The following AGO2 variants were observed in gnomAD, a reference collection of about 807,000 sequenced individuals.
The protein encoded by AGO2 is protein argonaute-2.
A neutral mutation model predicts 102.3 loss-of-function variants in AGO2; 5 were observed. That is an observed-to-expected ratio of 0.05 (90% CI 0.03 to 0.10). AGO2 has a LOEUF of 0.10. AGO2 is among the 10% of genes least tolerant of loss of function. AGO2 has a pLI of 1.00. For synonymous variants in AGO2, 449 were observed against 473.1 expected, an observed-to-expected ratio of 0.95 and a Z score of 0.66; for missense variants, 541 against 1,183.7, an observed-to-expected ratio of 0.46 and a Z score of 7.97.
At chr8:140,533,132 G>A (rs191380291) in intron 17 of AGO2, among the ~76,000 whole-genome samples, 1 of 152,012 alleles carries the variant, frequency 6.6e-6, no homozygotes, top group Non-Finnish European at 1.5e-5. Context: ...GCTCACACCT[G>A]TAATCCCAGC....
At position 140,532,171 on chromosome 8, in the gene AGO2, G is replaced by A. The variant is rs2072608715; in HGVS notation, c.2472-19C>T. 1 of 1,606,414 alleles carries A rather than the reference G, an allele frequency of 6.2e-7. No individual in the cohort carries two copies. The highest frequency in any genetic ancestry group is 8.5e-7 in the Non-Finnish European group (1 of 1,173,674). The stretch of plus-strand genomic sequence containing the variant: ...TTCAGCACTGCAGGGATGAGAGAGA[G>A]AGAGAATGAGAATGTGCAGCCTTAA... On this transcript the variant is annotated intron_variant, in intron 18 of 18. Coordinates refer to ENST00000220592, the MANE Select transcript of AGO2 (RefSeq NM_012154.5).
At chr8:140,578,719 G>T (rs532483742) in intron 2 of AGO2, among the ~76,000 whole-genome samples, 5 of 152,362 alleles carry the variant, frequency 3.3e-5, no homozygotes, top group Non-Finnish European at 7.3e-5. Flanking sequence ...GGAGAACCAC[G>T]GCCAAGCTGT....
intron 2 of AGO2, among the ~76,000 whole-genome samples, chr8:140,577,613 G>C (rs892623848): frequency 1.3e-5 from 2 of 152,230 alleles, no homozygotes; most frequent in African/African-American, 2.4e-5. Flanking sequence ...AGCAGCTGGA[G>C]GGAGGCCATG....
At chr8:140,624,801 T>C (rs1468822244) in intron 1 of AGO2, among the ~76,000 whole-genome samples, 1 of 152,192 alleles carries the variant, frequency 6.6e-6, no homozygotes, top group African/African-American at 2.4e-5. Flanking sequence ...TTCTGAAACA[T>C]CTGTCAACAA....
intron 1 of AGO2, among the ~76,000 whole-genome samples, chr8:140,597,300 A>G (rs1211460252): frequency 6.6e-6 from 1 of 152,242 alleles, no homozygotes; most frequent in Non-Finnish European, 1.5e-5. Context: ...CAATTCCCAG[A>G]GCCTCCCAGC....
intron 1 of AGO2, among the ~76,000 whole-genome samples, chr8:140,613,430 A>G (rs190099400): frequency 2.2e-4 from 34 of 152,366 alleles, no homozygotes; most frequent in African/African-American, 7.9e-4. Context: ...AATGTTTTTT[A>G]AACTCCTGTT....
chr8:140,612,786 G>C (rs914925337), intron 1 of AGO2, among the ~76,000 whole-genome samples: 1 of 151,756 alleles, frequency 6.6e-6, no homozygotes, highest in South Asian at 2.1e-4. Flanking sequence ...ACTGTTTTTC[G>C]AGTTTTGGTG....
chr8:140,555,833 G>A (rs2073084935), intron 10 of AGO2, 63 bp downstream of exon 10: 3 of 1,564,580 alleles, frequency 1.9e-6, no homozygotes, highest in Non-Finnish European at 2.6e-6. Context: ...CTCAGAACCT[G>A]AGAGGGGTCG....
At chr8:140,554,377 C>T (rs1227336323) in intron 10 of AGO2, among the ~76,000 whole-genome samples, 2 of 145,894 alleles carry the variant, frequency 1.4e-5, no homozygotes, top group South Asian at 2.3e-4. Flanking sequence ...GGGACACAGA[C>T]CCCCCCACGT....
chr8:140,593,181 A>G (rs1006522714), intron 1 of AGO2: 4 of 152,000 alleles, frequency 2.6e-5, no homozygotes, highest in Admixed American at 6.6e-5. Flanking sequence ...CCTATTACGT[A>G]TCAATAAAAA....
chr8:140,564,806 A>C (rs774068407), intron 3 of AGO2, among the ~76,000 whole-genome samples: 1 of 152,094 alleles, frequency 6.6e-6, no homozygotes, highest in Non-Finnish European at 1.5e-5. Context: ...AGCTGTAACA[A>C]TATCATACAC....
At chr8:140,534,949 C>T (rs537942705) in intron 17 of AGO2, among the ~76,000 whole-genome samples, 2 of 152,352 alleles carry the variant, frequency 1.3e-5, no homozygotes, top group African/African-American at 4.8e-5. Flanking sequence ...CCCAGGAGAG[C>T]CTCAAGGTGG....
intron 3 of AGO2, among the ~76,000 whole-genome samples, chr8:140,568,314 G>T (rs530884434): frequency 1.4e-5 from 2 of 146,278 alleles, no homozygotes; most frequent in East Asian, 4.0e-4. Flanking sequence ...AGAGCACAAA[G>T]AAACTGTGTA....
intron 1 of AGO2, among the ~76,000 whole-genome samples, chr8:140,615,984 A>G (rs1564118058): frequency 6.6e-6 from 1 of 152,236 alleles, no homozygotes; most frequent in Non-Finnish European, 1.5e-5. Context: ...GATATCATTC[A>G]TCTGAATCAA....
At chr8:140,532,816 G>A in intron 17 of AGO2, 1 of 539,384 alleles carries the variant, frequency 1.9e-6, no homozygotes, top group South Asian at 2.1e-5. Flanking sequence ...CCAACATAGT[G>A]AAACCCCATC....
intron 3 of AGO2, among the ~76,000 whole-genome samples, chr8:140,569,796 CAG>C (rs1223359615): frequency 6.6e-6 from 1 of 152,186 alleles, no homozygotes; most frequent in Non-Finnish European, 1.5e-5. Flanking sequence ...TCTTTCCACA[CAG>C]GGGCTGGGAT....
intron 1 of AGO2, among the ~76,000 whole-genome samples, chr8:140,616,369 A>G (rs2074142828): frequency 1.3e-5 from 2 of 152,252 alleles, no homozygotes; most frequent in Admixed American, 1.3e-4. Context: ...AAGATTTGCC[A>G]TGCATTAATT....
intron 1 of AGO2, among the ~76,000 whole-genome samples, chr8:140,597,326 G>A (rs2073859997): frequency 6.6e-6 from 1 of 152,212 alleles, no homozygotes; most frequent in African/African-American, 2.4e-5. Flanking sequence ...CAGTGCCAAC[G>A]CAGCGCAGCA....
Position 140,539,601 on chromosome 8 carries a change from G to T in AGO2, c.2035-147C>A. On this transcript the variant is annotated intron_variant, in intron 15 of 18. Coordinates refer to ENST00000220592, the MANE Select transcript of AGO2 (RefSeq NM_012154.5). The surrounding 1 kb of genome is among the most constrained non-coding windows in gnomAD (Gnocchi z 4.7). ...GTTCACGGGGAGGTGAAAACACGGG[G>T]GCAGAAACCATCCTCTCTGCAGGGA... is the stretch of plus-strand genomic sequence containing the variant. The T allele has an allele frequency of 1.1e-6, 1 of 923,520 alleles. No homozygotes were observed. The highest frequency in any genetic ancestry group is 1.6e-6 in the Non-Finnish European group (1 of 624,732). 57.2% of individuals were successfully genotyped at this position (923,520 alleles called of 1,614,324 possible).
Sources: gnomAD v4.1 joint callset for allele counts (sites outside exome capture counted in the v4.1 genomes callset) on GRCh38, gnomAD v4.1.1 for gene constraint, Gnocchi (gnomAD v3.1) non-coding constraint, MANE v1.5 for transcripts, NCBI Gene and HGNC (gene_info 2026-07-23, HGNC 2026-07-21) for gene names.